HSPA2: variants seen among roughly 807,000 people sequenced by gnomAD.
The protein encoded by HSPA2 is heat shock-related 70 kDa protein 2.
In HSPA2, 13 loss-of-function variants were observed where a neutral mutation model predicts 35.0. That is an observed-to-expected ratio of 0.37 (90% CI 0.24 to 0.59). The LOEUF (loss-of-function observed/expected upper bound fraction) is 0.59, where lower values mean the gene tolerates loss of function less well. Ranked by LOEUF, HSPA2 falls within the 20% of genes least tolerant of loss-of-function variation. The pLI is 0.70. For synonymous variants in HSPA2, 368 were observed against 382.1 expected (o/e 0.96, Z 0.43); for missense variants, 565 against 885.4 (o/e 0.64, Z 4.59).
chr14:64,541,985 A>C lies in HSPA2; in HGVS notation c.1136A>C (p.Gln379Pro). 6.2e-7 allele frequency: 1 copy of C among 1,613,500 alleles called. No homozygotes were observed. Among genetic ancestry groups the C allele is most frequent in the Non-Finnish European group, 8.5e-7 (1 of 1,180,010 alleles). The part of the protein sequence containing the change: ...DEAVAYGAAV[Q>P]AAILIGDKSE... Reference sequence around the variant, plus strand: ...GCGGTGGCCTATGGCGCCGCGGTGCAGGCGGCCATCCTCATCGGCGACAAA... The same window carrying C: ...GCGGTGGCCTATGGCGCCGCGGTGCCGGCGGCCATCCTCATCGGCGACAAA... Residue 379 changes from glutamine (Q) to proline (P), a missense_variant, in exon 1 of 1, where the codon CAG becomes CCG. Coordinates refer to ENST00000247207, the MANE Select transcript of HSPA2 (RefSeq NM_021979.4).
rs1415020937 is a variant in HSPA2, at chr14:64,541,611, G to A, written c.762G>A (p.Lys254=). 5.6e-6 allele frequency: 9 copies of A among 1,611,422 alleles called. No individual in the cohort carries two copies. Among genetic ancestry groups the A allele is most frequent in the African/African-American group, 1.3e-5 (1 of 74,922 alleles). ...AGGAGTTCAAGCGCAAGCACAAGAA[G>A]GACATTGGGCCCAACAAGCGCGCCG... ...LAEEFKRKHK[K]DIGPNKRAVR... The change falls in exon 1 of 1, where the codon AAG becomes AAA. Residue 254 remains lysine, a synonymous_variant. Coordinates refer to ENST00000247207, the MANE Select transcript of HSPA2 (RefSeq NM_021979.4).
upstream of HSPA2, chr14:64,540,707 G>C (rs920046731): frequency 1.3e-4 from 163 of 1,277,906 alleles, 1 homozygote; most frequent in Non-Finnish European, 2.3e-5. Flanking sequence ...TCCCAGAGGC[G>C]GCTATAAGAA....
chr14:64,540,683 T>G, upstream of HSPA2: 2 of 1,039,124 alleles, frequency 1.9e-6, no homozygotes, highest in Non-Finnish European at 2.7e-6. Flanking sequence ...CGGGAGCGGA[T>G]TGGGTCTGGG....
rs749702487 is a variant in HSPA2, at chr14:64,541,153, C to G, written c.304C>G (p.Pro102Ala). Reference protein sequence around the residue: ...PFRVVSEGGKPKVQVEYKGET... With the variant: ...PFRVVSEGGKAKVQVEYKGET... ...CCGGGTGGTGAGCGAGGGAGGCAAG[C>G]CCAAAGTGCAAGTAGAGTACAAGGG... The change falls in exon 1 of 1, where the codon CCC (proline) becomes GCC (alanine). Residue 102 changes from proline (P) to alanine (A), a missense_variant. Pro to Ala is a conservative substitution (Grantham distance 27). Transcript: ENST00000247207. 1 of 1,614,192 alleles carries G rather than the reference C, an allele frequency of 6.2e-7. No individual in the cohort carries two copies. The highest frequency in any genetic ancestry group is 8.5e-7 in the Non-Finnish European group (1 of 1,180,036).
At chr14:64,539,665 C>A (rs1237453051), upstream of HSPA2, among the ~76,000 whole-genome samples, 1 of 152,062 alleles carries the variant, frequency 6.6e-6, no homozygotes, top group Non-Finnish European at 1.5e-5. Flanking sequence ...GTTCTCTCCG[C>A]CCGCCAGGCA....
chr14:64,536,192 A>C (rs1467456814), upstream of HSPA2, among the ~76,000 whole-genome samples: 1 of 152,202 alleles, frequency 6.6e-6, no homozygotes, highest in African/African-American at 2.4e-5. Flanking sequence ...TCCTACATAT[A>C]AGAAGATACA....
chr14:64,541,382 C>A lies in HSPA2; in HGVS notation c.533C>A (p.Thr178Lys). Reference sequence around the variant, plus strand: ...GTGCTGCGCATCATCAACGAGCCCACGGCGGCGGCCATCGCCTACGGCCTG... The same window carrying A: ...GTGCTGCGCATCATCAACGAGCCCAAGGCGGCGGCCATCGCCTACGGCCTG... ...LNVLRIINEP[T>K]AAAIAYGLDK... The change falls in exon 1 of 1, where the codon ACG (threonine) becomes AAG (lysine). Residue 178 changes from threonine to lysine, a missense_variant. This residue lies in a region of HSPA2 where 183 missense variants were observed against 281.6 expected (regional missense o/e 0.65). Coordinates refer to ENST00000247207, the MANE Select transcript of HSPA2 (RefSeq NM_021979.4). 6.2e-7 allele frequency: 1 copy of A among 1,613,724 alleles called. No homozygotes were observed. Among genetic ancestry groups the A allele is most frequent in the Non-Finnish European group, 8.5e-7 (1 of 1,180,034 alleles).
Position 64,541,765 on chromosome 14 carries a change from G to A in HSPA2, c.916G>A (p.Glu306Lys). 1 of 1,612,980 alleles carries A rather than the reference G, an allele frequency of 6.2e-7. No individual in the cohort carries two copies. The highest frequency in any genetic ancestry group is 8.5e-7 in the Non-Finnish European group (1 of 1,179,898). ...FYTSITRARFEELNADLFRGT... is the reference protein window; with the variant it reads ...FYTSITRARFKELNADLFRGT... ...TACGTCCATCACGCGCGCCCGCTTC[G>A]AGGAGCTCAATGCCGACCTCTTTCG... is the stretch of plus-strand genomic sequence containing the variant. The change falls in exon 1 of 1, where the codon GAG becomes AAG. Residue 306 changes from glutamate (E) to lysine (K), a missense_variant. Glu to Lys is a moderately conservative substitution (Grantham distance 56, BLOSUM62 1). Around this residue, in one of 4 missense-constraint regions of HSPA2, gnomAD observed 234 missense variants for 419.0 expected, o/e 0.56. Transcript: ENST00000247207.
chr14:64,540,769 G>C lies in HSPA2; in HGVS notation c.-81G>C. The C allele has an allele frequency of 5.7e-6, 9 of 1,567,620 alleles. No individual in the cohort carries two copies. Among genetic ancestry groups the C allele is most frequent in the South Asian group, 1.2e-5 (1 of 82,444 alleles). The stretch of plus-strand genomic sequence containing the variant: ...TTGCTGGTAGTGCCCGTGGTGCTTG[G>C]TTCGAGGTGGCCGTTAGTTGACTCC... On this transcript the variant is annotated 5_prime_UTR_variant, in exon 1 of 1. Coordinates refer to ENST00000247207, the MANE Select transcript of HSPA2 (RefSeq NM_021979.4).
Position 64,541,796 on chromosome 14 carries a change from C to T in HSPA2, c.947C>T (p.Thr316Ile), listed in dbSNP as rs768366957. Residue 316 changes from threonine to isoleucine, a missense_variant, in exon 1 of 1, where the codon ACC becomes ATC. Physicochemically the swap from Thr to Ile is moderately conservative, Grantham distance 89. Coordinates refer to ENST00000247207, the MANE Select transcript of HSPA2 (RefSeq NM_021979.4). ...EELNADLFRG[T>I]LEPVEKALRD... ...CTCAATGCCGACCTCTTTCGCGGGA[C>T]CCTGGAGCCGGTGGAGAAGGCGCTG... 4.3e-6 allele frequency: 7 copies of T among 1,613,350 alleles called. No homozygotes were observed. Among genetic ancestry groups the T allele is most frequent in the Non-Finnish European group, 5.9e-6 (7 of 1,180,040 alleles).
Position 64,542,059 on chromosome 14 carries a change from C to G in HSPA2, c.1210C>G (p.Leu404Val). Residue 404 changes from leucine to valine, a missense_variant, in exon 1 of 1, where the codon CTG becomes GTG. Leu to Val is a conservative substitution (Grantham distance 32, BLOSUM62 1). Transcript: ENST00000247207. The surrounding 1 kb of genome is among the most constrained non-coding windows in gnomAD (Gnocchi z 5.7). ...LLLLDVTPLS[L>V]GIETAGGVMT... ...GCTACTCGACGTGACCCCGTTGTCG[C>G]TGGGCATCGAGACAGCTGGCGGTGT... 1 of 1,613,720 alleles carries G rather than the reference C, an allele frequency of 6.2e-7. No individual in the cohort carries two copies. Among genetic ancestry groups the G allele is most frequent in the Non-Finnish European group, 8.5e-7 (1 of 1,180,034 alleles).
chr14:64,541,647 G>T lies in HSPA2; in HGVS notation c.798G>T (p.Leu266=). 6.2e-7 allele frequency: 1 copy of T among 1,611,440 alleles called. No homozygotes were observed. Among genetic ancestry groups the T allele is most frequent in the Admixed American group, 1.7e-5 (1 of 60,008 alleles). The change falls in exon 1 of 1, where the codon CTG becomes CTT. Residue 266 remains leucine (L), a synonymous_variant. Coordinates refer to ENST00000247207, the MANE Select transcript of HSPA2 (RefSeq NM_021979.4). Reference sequence around the variant, plus strand: ...CCAACAAGCGCGCCGTGAGGCGGCTGCGCACCGCTTGCGAGCGCGCCAAGC... The same window carrying T: ...CCAACAAGCGCGCCGTGAGGCGGCTTCGCACCGCTTGCGAGCGCGCCAAGC... ...IGPNKRAVRR[L]RTACERAKRT... is the part of the protein sequence containing the mutation.
At chr14:64,535,966 A>G (rs1211526696), upstream of HSPA2, 1 of 149,320 alleles carries the variant, frequency 6.7e-6, no homozygotes, top group African/African-American at 2.5e-5. Context: ...CTCCCCAGCC[A>G]TATGGAAGTG....
chr14:64,539,670 C>T (rs1196097810), upstream of HSPA2, among the ~76,000 whole-genome samples: 1 of 151,976 alleles, frequency 6.6e-6, no homozygotes, highest in Non-Finnish European at 1.5e-5. Context: ...CTCCGCCCGC[C>T]AGGCAGTGGG....
At chr14:64,539,353 C>T (rs1292441813), upstream of HSPA2, among the ~76,000 whole-genome samples, 1 of 151,972 alleles carries the variant, frequency 6.6e-6, no homozygotes, top group African/African-American at 2.4e-5. Context: ...CCAGGGTGAC[C>T]GAGACTGGGT....
In HSPA2 at chr14:64,541,211, C is replaced by T. The variant is rs749594516; in HGVS notation, c.362C>T (p.Ser121Phe). 2 of 1,614,026 alleles carry T rather than the reference C, an allele frequency of 1.2e-6. No homozygotes were observed. Among genetic ancestry groups the T allele is most frequent in the African/African-American group, 2.7e-5 (2 of 74,938 alleles). ...ETKTFFPEEI[S>F]SMVLTKMKEI... ...AAGACCTTCTTCCCAGAGGAGATAT[C>T]CTCCATGGTCCTCACGAAGATGAAG... The change falls in exon 1 of 1, where the codon TCC becomes TTC. Residue 121 changes from serine to phenylalanine, a missense_variant. Around this residue, in one of 4 missense-constraint regions of HSPA2, gnomAD observed 183 missense variants for 281.6 expected, o/e 0.65. Coordinates refer to ENST00000247207, the MANE Select transcript of HSPA2 (RefSeq NM_021979.4).
At chr14:64,537,706 T>C (rs1023635677), upstream of HSPA2, among the ~76,000 whole-genome samples, 2 of 149,430 alleles carry the variant, frequency 1.3e-5, no homozygotes, top group Admixed American at 1.4e-4. Context: ...GGTTTTATCC[T>C]TGTTTTCCTA....
At chr14:64,540,552 G>T, upstream of HSPA2, 1 of 454,902 alleles carries the variant, frequency 2.2e-6, no homozygotes. Context: ...CCGCCCCTCT[G>T]TCTCCTGGCG....
At position 64,541,145 on chromosome 14, in the gene HSPA2, G is replaced by A. The variant is rs1424440508; in HGVS notation, c.296G>A (p.Gly99Glu). The A allele has an allele frequency of 1.2e-6, 2 of 1,614,096 alleles. No individual in the cohort carries two copies. The highest frequency in any genetic ancestry group is 1.1e-5 in the South Asian group (1 of 91,092). ...KHWPFRVVSEGGKPKVQVEYK... is the reference protein window; with the variant it reads ...KHWPFRVVSEEGKPKVQVEYK... Reference sequence around the variant, plus strand: ...TGGCCGTTCCGGGTGGTGAGCGAGGGAGGCAAGCCCAAAGTGCAAGTAGAG... The same window carrying A: ...TGGCCGTTCCGGGTGGTGAGCGAGGAAGGCAAGCCCAAAGTGCAAGTAGAG... Residue 99 changes from glycine (G) to glutamate (E), a missense_variant, in exon 1 of 1, where the codon GGA (glycine) becomes GAA (glutamate). By Grantham distance (98) the Gly-to-Glu change is moderately conservative (BLOSUM62 -2). Coordinates refer to ENST00000247207, the MANE Select transcript of HSPA2 (RefSeq NM_021979.4).
Sources: allele counts gnomAD v4.1 joint callset (sites outside exome capture counted in the v4.1 genomes callset), GRCh38; gene constraint gnomAD v4.1.1; regional missense constraint gnomAD v4.1.1; non-coding constraint Gnocchi (gnomAD v3.1); transcripts MANE v1.5; gene names NCBI Gene and HGNC (gene_info 2026-07-23, HGNC 2026-07-21).